MARCHF1: variants seen among roughly 807,000 people sequenced by gnomAD.
The protein encoded by MARCHF1 is E3 ubiquitin-protein ligase MARCHF1.
A neutral mutation model predicts 54.2 loss-of-function variants in MARCHF1; 40 were observed. That is an observed-to-expected ratio of 0.74 (90% CI 0.57 to 0.96). The LOEUF is 0.96. Ranked by LOEUF, MARCHF1 falls within the 40% of genes least tolerant of loss-of-function variation. The pLI is 0.00. For synonymous variants in MARCHF1, 236 were observed against 236.3 expected (o/e 1.00, Z 0.01); for missense variants, 586 against 656.5 (o/e 0.89, Z 1.17).
intron 1 of MARCHF1, among the ~76,000 whole-genome samples, chr4:164,244,635 C>T (rs1255364861): frequency 6.7e-6 from 1 of 148,426 alleles, no homozygotes; most frequent in Non-Finnish European, 1.5e-5. Context: ...AATAGAGACA[C>T]AAAAAACCCT....
At chr4:164,306,993 T>C (rs957635354) in intron 1 of MARCHF1, among the ~76,000 whole-genome samples, 2 of 152,204 alleles carry the variant, frequency 1.3e-5, no homozygotes, top group African/African-American at 4.8e-5. Flanking sequence ...CTGTAATGAT[T>C]TTCTTCTCAT....
Position 163,799,285 on chromosome 4 carries a change from T to A in MARCHF1, c.111+54736A>T, listed in dbSNP as rs1374699499. 2.0e-5 allele frequency among the ~76,000 whole-genome samples: 3 copies of A among 152,076 alleles called. No homozygotes were observed. In the South Asian group the frequency reaches 6.2e-4, roughly 31 times the overall value. On this transcript the variant is annotated intron_variant, in intron 4 of 9. Transcript: ENST00000514618. ...ATCTAATGTGGTTCTTCAAAGAAAT[T>A]CTTAATAAATAATTTCTTACAATTC...
chr4:163,693,694 G>C (rs1744532158), intron 5 of MARCHF1, among the ~76,000 whole-genome samples: 1 of 151,916 alleles, frequency 6.6e-6, no homozygotes, highest in Non-Finnish European at 1.5e-5. Context: ...AAGACTAAAG[G>C]CCTTTGTATG....
At chr4:164,146,338 GA>G in intron 1 of MARCHF1, among the ~76,000 whole-genome samples, 1 of 149,088 alleles carries the variant, frequency 6.7e-6, no homozygotes, top group African/African-American at 2.5e-5. Context: ...AGTTCATATG[GA>G]ACCAAAAAAG....
At chr4:164,229,832 T>C (rs1380438631) in intron 1 of MARCHF1, among the ~76,000 whole-genome samples, 1 of 152,112 alleles carries the variant, frequency 6.6e-6, no homozygotes, top group Non-Finnish European at 1.5e-5. Flanking sequence ...TCATGAGAAC[T>C]CACTCACTCT....
At chr4:164,196,741 C>A (rs1406425787) in intron 1 of MARCHF1, among the ~76,000 whole-genome samples, 2 of 151,996 alleles carry the variant, frequency 1.3e-5, no homozygotes, top group African/African-American at 2.4e-5. Context: ...AAGCTAGTAT[C>A]CCAGTTAATA....
At chr4:164,042,736 A>T (rs148359891) in intron 2 of MARCHF1, among the ~76,000 whole-genome samples, 94 of 152,306 alleles carry the variant, frequency 6.2e-4, no homozygotes, top group African/African-American at 2.2e-3. Context: ...CTCATCTGAG[A>T]CAAGGTAATT....
chr4:164,101,148 T>C (rs1404697765), intron 2 of MARCHF1, among the ~76,000 whole-genome samples: 1 of 152,132 alleles, frequency 6.6e-6, no homozygotes, highest in South Asian at 2.1e-4. Context: ...AGCACGGCAG[T>C]CTGAGATCAA....
chr4:164,197,641 A>C (rs751602526), intron 1 of MARCHF1: 59 of 1,612,968 alleles, frequency 3.7e-5, no homozygotes, highest in Non-Finnish European at 3.6e-5. Context: ...ACTGTTGTCC[A>C]GGGCAAGTTC....
intron 4 of MARCHF1, among the ~76,000 whole-genome samples, chr4:163,789,786 A>G (rs1747723613): frequency 6.6e-6 from 1 of 152,072 alleles, no homozygotes; most frequent in African/African-American, 2.4e-5. Flanking sequence ...ATTATTTGTG[A>G]ATAAATGGAT....
chr4:163,726,787 T>C (rs1220164861), intron 4 of MARCHF1, among the ~76,000 whole-genome samples: 1 of 152,246 alleles, frequency 6.6e-6, no homozygotes, highest in South Asian at 2.1e-4. Flanking sequence ...TTTGGTTTTG[T>C]CCATTCTAAC....
At chr4:164,322,854 T>C (rs999829458) in intron 1 of MARCHF1, among the ~76,000 whole-genome samples, 1 of 152,010 alleles carries the variant, frequency 6.6e-6, no homozygotes, top group Non-Finnish European at 1.5e-5. Context: ...AAAGTAATAT[T>C]AGGTAATTAT....
intron 3 of MARCHF1, among the ~76,000 whole-genome samples, chr4:163,876,576 G>C (rs1358861780): frequency 6.6e-6 from 1 of 152,092 alleles, no homozygotes; most frequent in Non-Finnish European, 1.5e-5. Context: ...AATGCTCACA[G>C]GGCAGTTTAA....
At chr4:164,287,830 T>C (rs1299824067) in intron 1 of MARCHF1, among the ~76,000 whole-genome samples, 1 of 152,146 alleles carries the variant, frequency 6.6e-6, no homozygotes, top group Non-Finnish European at 1.5e-5. Context: ...TTAGAATAGC[T>C]AATGCTTGAT....
chr4:163,667,782 C>T (rs564380820), intron 5 of MARCHF1, among the ~76,000 whole-genome samples: 3 of 152,092 alleles, frequency 2.0e-5, no homozygotes, highest in East Asian at 1.9e-4. Context: ...TGTGCCACCA[C>T]ACCCAGCTAA....
chr4:164,008,571 C>A (rs1258471350), intron 2 of MARCHF1, among the ~76,000 whole-genome samples: 1 of 151,960 alleles, frequency 6.6e-6, no homozygotes, highest in Non-Finnish European at 1.5e-5. Context: ...CCAGAATACA[C>A]CACATCTTAG....
intron 1 of MARCHF1, among the ~76,000 whole-genome samples, chr4:164,146,798 GC>G (rs1255669407): frequency 1.3e-5 from 2 of 152,080 alleles, no homozygotes; most frequent in African/African-American, 4.8e-5. Flanking sequence ...AAAAGCAATG[GC>G]AACAGAAGCC....
chr4:163,700,708 T>G, intron 5 of MARCHF1, 105 bp downstream of exon 5: 1 of 831,038 alleles, frequency 1.2e-6, no homozygotes, highest in Non-Finnish European at 1.9e-6. Context: ...AAATCACATT[T>G]GTGTTCTGCT....
At chr4:164,321,519 A>G (rs1449891457) in intron 1 of MARCHF1, among the ~76,000 whole-genome samples, 1 of 152,214 alleles carries the variant, frequency 6.6e-6, no homozygotes, top group East Asian at 1.9e-4. Context: ...CAGAGAATAC[A>G]TTAAATGAAA....
Sources: allele counts gnomAD v4.1 joint callset (sites outside exome capture counted in the v4.1 genomes callset), GRCh38; gene constraint gnomAD v4.1.1; transcripts MANE v1.5; gene names NCBI Gene and HGNC (gene_info 2026-07-23, HGNC 2026-07-21).